Variants in KCNK9 observed in about 807,000 individuals in gnomAD.
KCNK9 encodes potassium two pore domain channel subfamily K member 9.
A neutral mutation model predicts 10.8 loss-of-function variants in KCNK9; 1 was observed. That is an observed-to-expected ratio of 0.09 (90% CI 0.03 to 0.44). The LOEUF (loss-of-function observed/expected upper bound fraction) is 0.44, where lower values mean the gene tolerates loss of function less well. KCNK9 is among the 20% of genes least tolerant of loss of function. The pLI is 0.97. For missense variants in KCNK9, 303 were observed against 515.0 expected, an observed-to-expected ratio of 0.59 and a Z score of 3.98; for synonymous variants, 231 against 222.7, an observed-to-expected ratio of 1.04 and a Z score of -0.33.
intron 1 of KCNK9, among the ~76,000 whole-genome samples, chr8:139,692,791 A>C (rs114347641): frequency 0.012 from 1,845 of 152,272 alleles, 37 homozygotes; most frequent in African/African-American, 0.04. Flanking sequence ...GTCCAACTGA[A>C]TGCCCATGCC....
At chr8:139,663,700 A>G (rs1816227304) in intron 1 of KCNK9, among the ~76,000 whole-genome samples, 1 of 147,020 alleles carries the variant, frequency 6.8e-6, no homozygotes, top group African/African-American at 2.6e-5. Flanking sequence ...AGAGATAGAG[A>G]GAGAGAAGGT....
At chr8:139,655,704 A>G (rs1005441599) in intron 1 of KCNK9, among the ~76,000 whole-genome samples, 2 of 152,026 alleles carry the variant, frequency 1.3e-5, no homozygotes, top group African/African-American at 4.8e-5. Context: ...GATGTGGCCA[A>G]CTCCAAACTG....
chr8:139,619,432 T>C (rs117395513), intron 1 of KCNK9, among the ~76,000 whole-genome samples: 1 of 152,046 alleles, frequency 6.6e-6, no homozygotes, highest in East Asian at 1.9e-4. Context: ...TGGAGGAACA[T>C]TCGAATGCCA....
chr8:139,701,654 C>T (rs888346), intron 1 of KCNK9, among the ~76,000 whole-genome samples: 60,744 of 151,914 alleles, frequency 0.4, 13,892 homozygotes, highest in Non-Finnish European at 0.52. Context: ...AAGGAGATGG[C>T]CCTAGAGAGG....
rs1321749969 is a variant in KCNK9 at position 139,618,956 on chromosome 8, T to C, written c.427A>G (p.Ile143Val). Residue 143 changes from isoleucine (I) to valine (V), a missense_variant, in exon 2 of 2, where the codon ATT becomes GTT. This residue lies in a region of KCNK9 where 32 missense variants were observed against 30.2 expected (regional missense o/e 1.06). Transcript: ENST00000520439. The surrounding 1 kb of genome is among the most constrained non-coding windows in gnomAD (Gnocchi z 7.9). ...NTFVRYLLKR[I>V]KKCCGMRNTD... The stretch of plus-strand genomic sequence containing the variant: ...TTGCGCATGCCACAGCACTTCTTAA[T>C]GCGCTTCAGCAGGTAGCGCACGAAG... The C allele has an allele frequency of 7.4e-6, 12 of 1,614,218 alleles. No homozygotes were observed. Among genetic ancestry groups the C allele is most frequent in the Middle Eastern group, 1.6e-4 (1 of 6,062 alleles).
chr8:139,692,158 C>G (rs1469800183), intron 1 of KCNK9, among the ~76,000 whole-genome samples: 1 of 152,236 alleles, frequency 6.6e-6, no homozygotes, highest in Non-Finnish European at 1.5e-5. Flanking sequence ...CCTGCTCTCT[C>G]AAGGCATTGT....
intron 1 of KCNK9, among the ~76,000 whole-genome samples, chr8:139,651,608 C>A (rs1033324448): frequency 6.6e-6 from 1 of 152,112 alleles, no homozygotes; most frequent in Non-Finnish European, 1.5e-5. Flanking sequence ...TGGTGTTGGA[C>A]CTTCTGTAGC....
chr8:139,642,451 G>A (rs1235590865), intron 1 of KCNK9, among the ~76,000 whole-genome samples: 1 of 152,200 alleles, frequency 6.6e-6, no homozygotes, highest in African/African-American at 2.4e-5. Flanking sequence ...AGCAATAAAT[G>A]CATGCTTTAC....
chr8:139,687,568 A>G (rs1205847442), intron 1 of KCNK9, among the ~76,000 whole-genome samples: 1 of 129,276 alleles, frequency 7.7e-6, no homozygotes, highest in African/African-American at 2.9e-5. Flanking sequence ...GTATACATAT[A>G]TTCATATATA....
chr8:139,635,726 C>G (rs1459255554), intron 1 of KCNK9, among the ~76,000 whole-genome samples: 1 of 152,102 alleles, frequency 6.6e-6, no homozygotes, highest in Non-Finnish European at 1.5e-5. Flanking sequence ...CAAAAGAAAG[C>G]TAAAGAAGCA....
rs1350169668 is a variant in KCNK9, at chr8:139,640,039, C to CCTCCCTGGTAT, written c.284-20941_284-20940insATACCAGGGAG. ...TCCACTTCCTGCCAAGCAGCCCTGG[C>CCTCCCTGGTAT]GAGCCAATACCTGCTTCATACCACA... On this transcript the variant is annotated intron_variant, in intron 1 of 1. Transcript: ENST00000520439. Among the ~76,000 whole-genome samples the CCTCCCTGGTAT allele has an allele frequency of 4.6e-4, 70 of 152,166 alleles. 1 individual carries two copies. The highest frequency in any genetic ancestry group is 2.5e-4 in the Non-Finnish European group (17 of 68,010).
intron 1 of KCNK9, among the ~76,000 whole-genome samples, chr8:139,654,651 A>G (rs1208433671): frequency 2.0e-5 from 3 of 152,242 alleles, no homozygotes; most frequent in African/African-American, 7.2e-5. Context: ...GTCCCTATGC[A>G]GTTCCCTGTG....
At chr8:139,627,715 C>T (rs1008739506) in intron 1 of KCNK9, among the ~76,000 whole-genome samples, 18 of 152,236 alleles carry the variant, frequency 1.2e-4, no homozygotes, top group African/African-American at 4.3e-4. Flanking sequence ...CATCCTAATA[C>T]CCTAGCCAGA....
intron 1 of KCNK9, among the ~76,000 whole-genome samples, chr8:139,630,489 C>T (rs964040798): frequency 2.0e-5 from 3 of 152,196 alleles, no homozygotes; most frequent in Admixed American, 6.5e-5. Flanking sequence ...CAACATCCGA[C>T]GCTCGCTGGT....
At chr8:139,681,520 C>T (rs1816687275) in intron 1 of KCNK9, among the ~76,000 whole-genome samples, 1 of 152,334 alleles carries the variant, frequency 6.6e-6, no homozygotes, top group Non-Finnish European at 1.5e-5. Flanking sequence ...CCACACATCT[C>T]CTTACTTTGA....
At chr8:139,652,063 T>A (rs148946950) in intron 1 of KCNK9, among the ~76,000 whole-genome samples, 1 of 152,274 alleles carries the variant, frequency 6.6e-6, no homozygotes, top group Non-Finnish European at 1.5e-5. Flanking sequence ...TCTGATCTCC[T>A]CCTGAACTTC....
intron 1 of KCNK9, among the ~76,000 whole-genome samples, chr8:139,636,842 T>TA (rs1257015302): frequency 6.6e-6 from 1 of 152,174 alleles, no homozygotes; most frequent in Non-Finnish European, 1.5e-5. Context: ...GGAACACCCA[T>TA]AGCACAGCAA....
intron 1 of KCNK9, among the ~76,000 whole-genome samples, chr8:139,662,873 A>AGG (rs1410454061): frequency 1.6e-4 from 2 of 12,410 alleles, no homozygotes; most frequent in South Asian, 3.4e-3. Context: ...GGGTGGGGGA[A>AGG]GGGGGGGGGG....
intron 1 of KCNK9, among the ~76,000 whole-genome samples, chr8:139,642,262 G>A (rs1380016093): frequency 6.6e-6 from 1 of 152,016 alleles, no homozygotes; most frequent in African/African-American, 2.4e-5. Context: ...TGGCTCCTTC[G>A]AAGACAACTG....
Sources: gnomAD v4.1 joint callset for allele counts (sites outside exome capture counted in the v4.1 genomes callset) on GRCh38, gnomAD v4.1.1 for gene constraint, gnomAD v4.1.1 regional missense constraint, Gnocchi (gnomAD v3.1) non-coding constraint, MANE v1.5 for transcripts, NCBI Gene and HGNC (gene_info 2026-07-23, HGNC 2026-07-21) for gene names.